The following PTPRN2 variants were observed in gnomAD, a reference collection of about 807,000 sequenced individuals.
PTPRN2 encodes protein tyrosine phosphatase receptor type N2.
A neutral mutation model predicts 118.8 loss-of-function variants in PTPRN2; 74 were observed. The observed-to-expected ratio is 0.62, with a 90% CI of 0.52 to 0.76. The LOEUF is 0.76. Among genes scored for constraint, PTPRN2 ranks in the 30% least tolerant of loss-of-function variants. PTPRN2 has a pLI of 0.00. For synonymous variants in PTPRN2, 641 were observed against 608.0 expected (o/e 1.05, Z -0.80); for missense variants, 1,481 against 1,394.4 (o/e 1.06, Z -0.99).
intron 2 of PTPRN2, among the ~76,000 whole-genome samples, chr7:158,454,137 G>A (rs111698422): frequency 8.7e-5 from 13 of 150,042 alleles, no homozygotes; most frequent in East Asian, 4.0e-4. Flanking sequence ...CACAATCACC[G>A]ATGTCAGGAT....
At chr7:158,248,987 T>C (rs1188143632) in intron 3 of PTPRN2, among the ~76,000 whole-genome samples, 1 of 145,276 alleles carries the variant, frequency 6.9e-6, no homozygotes, top group Non-Finnish European at 1.5e-5. Context: ...ACCACACATA[T>C]GCACACATCA....
intron 2 of PTPRN2, among the ~76,000 whole-genome samples, chr7:158,465,550 A>T (rs1296837382): frequency 6.6e-6 from 1 of 152,242 alleles, no homozygotes; most frequent in Non-Finnish European, 1.5e-5. Flanking sequence ...TTGCAGTATC[A>T]CATTAAATCT....
chr7:157,750,477 G>A (rs1037847402), intron 12 of PTPRN2, among the ~76,000 whole-genome samples: 2 of 152,166 alleles, frequency 1.3e-5, no homozygotes, highest in South Asian at 2.1e-4. Context: ...TGCTTCCTCC[G>A]CACCTATGAG....
At chr7:158,334,570 G>C (rs879556891) in intron 2 of PTPRN2, among the ~76,000 whole-genome samples, 1 of 68,528 alleles carries the variant, frequency 1.5e-5, no homozygotes, top group Non-Finnish European at 3.1e-5. Flanking sequence ...AAGAGCTCTC[G>C]CCCACAGAGG....
intron 12 of PTPRN2, among the ~76,000 whole-genome samples, chr7:157,810,412 C>G (rs1197363987): frequency 1.3e-5 from 2 of 151,748 alleles, no homozygotes; most frequent in Non-Finnish European, 2.9e-5. Context: ...GATGGCGGGA[C>G]TGCTGGGCAC....
At chr7:158,458,893 C>G (rs1733163) in intron 2 of PTPRN2, among the ~76,000 whole-genome samples, 119,761 of 152,060 alleles carry the variant, frequency 0.79, 47,363 homozygotes, top group Middle Eastern at 0.85. Flanking sequence ...ACTGCGTGAT[C>G]TTCAGAGGTG....
At position 158,414,067 on chromosome 7, in the gene PTPRN2, C is replaced by CAAA. The variant is rs34928217; in HGVS notation, c.163+75665_163+75667dup. Among the ~76,000 whole-genome samples, 394 of 76,424 alleles carry CAAA rather than the reference C, an allele frequency of 5.2e-3. 5 individuals are homozygous for CAAA. The highest frequency in any genetic ancestry group is 0.019 in the African/African-American group (377 of 19,712). 50.1% of individuals were successfully genotyped at this position (76,424 alleles called of 152,430 possible). A position where few individuals can be genotyped will look rare whatever the true frequency, so the allele number is the denominator to read the frequency against. ...TGGGTGACAGAGACAGCCTCTATCT[C>CAAA]AAAAAAAAAAAAAAAAAAAAAAAGG... is the stretch of plus-strand genomic sequence containing the variant. On this transcript the variant is annotated intron_variant, in intron 2 of 22. Coordinates refer to ENST00000389418, the MANE Select transcript of PTPRN2 (RefSeq NM_002847.5).
chr7:158,236,061 A>G (rs918474218), intron 3 of PTPRN2, among the ~76,000 whole-genome samples: 2 of 152,142 alleles, frequency 1.3e-5, no homozygotes, highest in Non-Finnish European at 2.9e-5. Context: ...AACTCCCCCA[A>G]GGACGACAGT....
chr7:158,475,512 C>G (rs1463021912), intron 2 of PTPRN2, among the ~76,000 whole-genome samples: 2 of 152,140 alleles, frequency 1.3e-5, no homozygotes, highest in Non-Finnish European at 2.9e-5. Context: ...CAAGGACGGG[C>G]CCACTCAGCA....
chr7:157,830,870 G>A (rs755222722), intron 12 of PTPRN2, among the ~76,000 whole-genome samples: 13 of 152,162 alleles, frequency 8.5e-5, no homozygotes, highest in Non-Finnish European at 1.6e-4. Context: ...GGCCACATAC[G>A]AACGTGTGCT....
intron 3 of PTPRN2, among the ~76,000 whole-genome samples, chr7:158,259,656 G>A (rs1343309789): frequency 6.6e-6 from 1 of 152,342 alleles, no homozygotes; most frequent in Non-Finnish European, 1.5e-5. Context: ...GTGTCCATGT[G>A]TCCCTGTGTG....
chr7:158,235,044 G>C (rs1829439978), intron 3 of PTPRN2, among the ~76,000 whole-genome samples: 1 of 152,220 alleles, frequency 6.6e-6, no homozygotes, highest in South Asian at 2.1e-4. Context: ...TTACAGGCAT[G>C]AGCCACCGGG....
chr7:158,513,395 G>C (rs1823313567), intron 1 of PTPRN2, among the ~76,000 whole-genome samples: 1 of 152,228 alleles, frequency 6.6e-6, no homozygotes, highest in African/African-American at 2.4e-5. Flanking sequence ...AATCCTGGAT[G>C]AGATCCTGGG....
intron 12 of PTPRN2, among the ~76,000 whole-genome samples, chr7:157,830,005 ACTC>A (rs1437721287): frequency 6.6e-6 from 1 of 151,526 alleles, no homozygotes; most frequent in African/African-American, 2.4e-5. Context: ...GGTCACCAGA[ACTC>A]CTGGTCTGCA....
intron 12 of PTPRN2, among the ~76,000 whole-genome samples, chr7:157,885,274 T>C (rs1331718271): frequency 6.6e-6 from 1 of 152,158 alleles, no homozygotes; most frequent in Non-Finnish European, 1.5e-5. Context: ...ATGTTCACTG[T>C]CTCGGGAGCA....
At chr7:158,147,507 C>G in intron 6 of PTPRN2, among the ~76,000 whole-genome samples, 1 of 121,266 alleles carries the variant, frequency 8.2e-6, no homozygotes, top group Non-Finnish European at 1.7e-5. Context: ...TCTCACGCCA[C>G]AGGTCTTTCC....
chr7:158,061,676 C>T (rs1810352969), intron 11 of PTPRN2, among the ~76,000 whole-genome samples: 1 of 152,212 alleles, frequency 6.6e-6, no homozygotes, highest in African/African-American at 2.4e-5. Context: ...GGTCCAAGAG[C>T]CGTAGCTGAG....
At chr7:157,822,397 TACTATCCATTA>T (rs1325657276) in intron 12 of PTPRN2, among the ~76,000 whole-genome samples, 22 of 151,218 alleles carry the variant, frequency 1.5e-4, no homozygotes, top group Non-Finnish European at 2.1e-4. Flanking sequence ...TCCATCTATA[TACTATCCATTA>T]ACTATCCATC....
intron 11 of PTPRN2, among the ~76,000 whole-genome samples, chr7:157,975,416 G>A (rs1457327855): frequency 6.6e-6 from 1 of 152,142 alleles, no homozygotes; most frequent in Admixed American, 6.5e-5. Context: ...TGTGATGTCG[G>A]CTCAGGTCAC....
Sources: allele counts gnomAD v4.1 joint callset (sites outside exome capture counted in the v4.1 genomes callset), GRCh38; gene constraint gnomAD v4.1.1; transcripts MANE v1.5; gene names NCBI Gene and HGNC (gene_info 2026-07-23, HGNC 2026-07-21).